The following TRPM7 variants were observed in gnomAD, a reference collection of about 807,000 sequenced individuals.
TRPM7 encodes LTRPC ion channel family member 7.
TRPM7 carries 134 observed loss-of-function variants against 229.7 expected under a neutral mutation model. The observed-to-expected ratio is 0.58, with a 90% CI of 0.51 to 0.67. The LOEUF (loss-of-function observed/expected upper bound fraction) is 0.67. TRPM7 is among the 30% of genes least tolerant of loss of function. The pLI is 0.00. For missense variants in TRPM7, 1,901 were observed against 2,210.0 expected (o/e 0.86, Z 2.80); for synonymous variants, 699 against 715.2 (o/e 0.98, Z 0.36).
At position 50,560,778 on chromosome 15, in the gene TRPM7, A is replaced by G. The variant is rs981790411; in HGVS notation, c.*900T>C. The G allele has an allele frequency of 2.0e-5, 3 of 152,660 alleles. No individual in the cohort carries two copies. Among genetic ancestry groups the G allele is most frequent in the African/African-American group, 7.2e-5 (3 of 41,472 alleles). 9.5% of individuals were successfully genotyped at this position (152,660 alleles called of 1,614,324 possible). A position where few individuals can be genotyped will look rare whatever the true frequency, so the allele number is the denominator to read the frequency against. On this transcript the variant is annotated 3_prime_UTR_variant, in exon 39 of 39. Coordinates refer to ENST00000646667, the MANE Select transcript of TRPM7 (RefSeq NM_017672.6). Reference sequence around the variant, plus strand: ...AATATATGCAAGAGTTCATGTTTACATTCTGATTTGATATAACAATCAATA... The same window carrying G: ...AATATATGCAAGAGTTCATGTTTACGTTCTGATTTGATATAACAATCAATA...
At chr15:50,638,037 T>C (rs2060960097) in intron 6 of TRPM7, among the ~76,000 whole-genome samples, 1 of 151,582 alleles carries the variant, frequency 6.6e-6, no homozygotes, top group African/African-American at 2.4e-5. Flanking sequence ...GCCAACATGG[T>C]GAAACCCCAT....
intron 1 of TRPM7, among the ~76,000 whole-genome samples, chr15:50,673,398 T>G (rs995064858): frequency 6.6e-6 from 1 of 152,140 alleles, no homozygotes; most frequent in Non-Finnish European, 1.5e-5. Context: ...ACCCTATTTG[T>G]AGTCTTTTAT....
chr15:50,660,282 A>T (rs1040477960), intron 2 of TRPM7, among the ~76,000 whole-genome samples: 1 of 152,220 alleles, frequency 6.6e-6, no homozygotes, highest in East Asian at 1.9e-4. Context: ...GTATTAAAAA[A>T]TTGAGGGATA....
At chr15:50,591,716 C>T (rs2059497909) in intron 26 of TRPM7, among the ~76,000 whole-genome samples, 195 bp downstream of exon 26, 1 of 151,954 alleles carries the variant, frequency 6.6e-6, no homozygotes, top group South Asian at 2.1e-4. Context: ...CAGGCTGGTC[C>T]TCAACTCCTG....
Position 50,609,732 on chromosome 15 carries a change from T to TA in TRPM7, c.2437-9dup, listed in dbSNP as rs35281039. The TA allele has an allele frequency of 3.6e-3, 4,877 of 1,357,422 alleles. 1 individual carries two copies. Among genetic ancestry groups the TA allele is most frequent in the South Asian group, 7.7e-3 (551 of 71,514 alleles). The allele number at this position is 1,357,422 out of a possible 1,614,324, so 84.1% of individuals were successfully genotyped here. ...TACTTCTTTAAACACTTCCTAAAAT[T>TA]AAAAAAAAAAAAATTCTTTTGTACA... On this transcript the variant is annotated splice_polypyrimidine_tract_variant and intron_variant, in intron 18 of 38. Transcript: ENST00000646667.
intron 1 of TRPM7, among the ~76,000 whole-genome samples, chr15:50,682,173 C>CAAAAAAA (rs34590459): frequency 0.037 from 2,358 of 63,358 alleles, 224 homozygotes; most frequent in African/African-American, 0.15. Flanking sequence ...AACTCAGTCT[C>CAAAAAAA]AAAAAAAAAA....
chr15:50,663,559 G>A (rs184501377), intron 1 of TRPM7, among the ~76,000 whole-genome samples: 2 of 152,114 alleles, frequency 1.3e-5, no homozygotes, highest in African/African-American at 2.4e-5. Context: ...CAACAGTACT[G>A]TGTAGATACT....
At chr15:50,675,779 C>T (rs1257972547) in intron 1 of TRPM7, among the ~76,000 whole-genome samples, 1 of 152,124 alleles carries the variant, frequency 6.6e-6, no homozygotes, top group Non-Finnish European at 1.5e-5. Flanking sequence ...TTTGTATGTT[C>T]CAAGTAATGT....
At chr15:50,685,785 C>A (rs1203645815) in intron 1 of TRPM7, among the ~76,000 whole-genome samples, 1 of 152,162 alleles carries the variant, frequency 6.6e-6, no homozygotes, top group Non-Finnish European at 1.5e-5. Context: ...CCGCCTCCCT[C>A]TCTCCATTCC....
chr15:50,662,005 G>C (rs1403365845), intron 2 of TRPM7, among the ~76,000 whole-genome samples: 1 of 151,950 alleles, frequency 6.6e-6, no homozygotes, highest in Non-Finnish European at 1.5e-5. Flanking sequence ...ATGACCTCAG[G>C]TCAGGGGTTC....
intron 1 of TRPM7, among the ~76,000 whole-genome samples, chr15:50,682,184 AAAAAAAAG>A (rs543599217): frequency 4.7e-5 from 7 of 148,314 alleles, no homozygotes; most frequent in Admixed American, 4.1e-4. Flanking sequence ...AAAAAAAAAA[AAAAAAAAG>A]GACTGTGACC....
chr15:50,562,484 T>A (rs911735942), intron 38 of TRPM7, among the ~76,000 whole-genome samples: 1 of 152,030 alleles, frequency 6.6e-6, no homozygotes, highest in Non-Finnish European at 1.5e-5. Context: ...AAAAGTGCCT[T>A]GAAGGCAGGG....
chr15:50,586,785 G>C (rs1008076047), intron 27 of TRPM7, among the ~76,000 whole-genome samples: 12 of 152,118 alleles, frequency 7.9e-5, no homozygotes, highest in Non-Finnish European at 1.6e-4. Context: ...TTGGGAGGTC[G>C]AGGCGGGCGG....
In TRPM7 at chr15:50,612,573, G is replaced by T; in HGVS notation, c.2027C>A (p.Ser676Ter). ...AKQSDLVDDT[S>*]EELKQYSNDF... Reference sequence around the variant, plus strand: ...CTTGGAATACTGTTTTAGTTCTTCTGAAGTATCATCTACCAGGTCACTCTG... The same window carrying T: ...CTTGGAATACTGTTTTAGTTCTTCTTAAGTATCATCTACCAGGTCACTCTG... Residue 676 changes from serine (S) to a stop codon, truncating the protein, a stop_gained, in exon 16 of 39, where the codon TCA becomes TAA. Transcript: ENST00000646667. LOFTEE classifies it high-confidence loss of function. 1 of 1,612,290 alleles carries T rather than the reference G, an allele frequency of 6.2e-7. No individual in the cohort carries two copies.
At chr15:50,641,030 A>T (rs1363328210) in intron 5 of TRPM7, among the ~76,000 whole-genome samples, 1 of 152,240 alleles carries the variant, frequency 6.6e-6, no homozygotes, top group African/African-American at 2.4e-5. Flanking sequence ...TGCATCACTC[A>T]GTTTGATCTC....
chr15:50,589,725 TAA>T, intron 26 of TRPM7, 69 bp from the exon 27 acceptor site: 1 of 996,686 alleles, frequency 1.0e-6, no homozygotes. Context: ...TGGCACTGCT[TAA>T]AGTTTATAAA....
chr15:50,580,991 CT>C (rs2140302723), intron 29 of TRPM7, 83 bp from the exon 30 acceptor site: 1 of 1,423,082 alleles, frequency 7.0e-7, no homozygotes, highest in East Asian at 2.3e-5. Flanking sequence ...AACTTTTTTT[CT>C]TATATTTTAA....
intron 21 of TRPM7, among the ~76,000 whole-genome samples, chr15:50,602,996 A>C (rs746383488): frequency 3.3e-5 from 5 of 152,202 alleles, no homozygotes; most frequent in Non-Finnish European, 5.9e-5. Flanking sequence ...AAGAGCTACA[A>C]CACCTTTTTT....
chr15:50,613,864 T>A, intron 14 of TRPM7, 23 bp from the exon 15 acceptor site: 1 of 1,601,242 alleles, frequency 6.2e-7, no homozygotes, highest in Middle Eastern at 1.7e-4. Flanking sequence ...TCTTATTAGC[T>A]TTTATAGATT....
Sources: allele counts gnomAD v4.1 joint callset (sites outside exome capture counted in the v4.1 genomes callset), GRCh38; gene constraint gnomAD v4.1.1; transcripts MANE v1.5; gene names NCBI Gene and HGNC (gene_info 2026-07-23, HGNC 2026-07-21).